The following RAD54L2 variants were observed in gnomAD, a reference collection of about 807,000 sequenced individuals.
RAD54L2 encodes the protein RAD54 like 2.
RAD54L2 carries 27 observed loss-of-function variants against 138.4 expected under a neutral mutation model. The observed-to-expected ratio is 0.20, with a 90% CI of 0.14 to 0.27. RAD54L2 has a LOEUF of 0.27. Among genes scored for constraint, RAD54L2 ranks in the 10% least tolerant of loss-of-function variants. RAD54L2 has a pLI of 1.00. For missense variants in RAD54L2, 1,396 were observed against 1,890.2 expected, an observed-to-expected ratio of 0.74 and a Z score of 4.85; for synonymous variants, 644 against 723.2, an observed-to-expected ratio of 0.89 and a Z score of 1.76.
At chr3:51,556,878 A>G (rs1185073928) in intron 2 of RAD54L2, among the ~76,000 whole-genome samples, 2 of 151,740 alleles carry the variant, frequency 1.3e-5, no homozygotes, top group African/African-American at 4.8e-5. Flanking sequence ...ACCCGGCCCT[A>G]TATATCTCTT....
chr3:51,593,263 C>G (rs1017256103), intron 3 of RAD54L2, among the ~76,000 whole-genome samples: 2 of 151,912 alleles, frequency 1.3e-5, no homozygotes, highest in Non-Finnish European at 2.9e-5. Flanking sequence ...AATTATCTGT[C>G]CCAAATGTCA....
chr3:51,633,936 A>G lies in RAD54L2; in HGVS notation c.1043A>G (p.Asn348Ser). The G allele has an allele frequency of 1.9e-6, 3 of 1,614,006 alleles. No homozygotes were observed. The highest frequency in any genetic ancestry group is 3.3e-4 in the Middle Eastern group (2 of 6,060). Residue 348 changes from asparagine (N) to serine (S), a missense_variant, in exon 9 of 23, where the codon AAC becomes AGC. Physicochemically the swap from Asn to Ser is conservative, Grantham distance 46 (BLOSUM62 1). Transcript: ENST00000684192. ...NTLQNWLAEF[N>S]MWLPPPEALP... ...CTTCAGAATTGGCTGGCAGAGTTCA[A>G]CATGTGGCTTCCACCTCCTGAAGCC...
At chr3:51,575,864 G>A (rs1559622555) in intron 2 of RAD54L2, among the ~76,000 whole-genome samples, 1 of 152,094 alleles carries the variant, frequency 6.6e-6, no homozygotes, top group Non-Finnish European at 1.5e-5. Flanking sequence ...GATTGCCCTG[G>A]CCAGAACTTC....
intron 2 of RAD54L2, among the ~76,000 whole-genome samples, chr3:51,572,731 C>T (rs1226362848): frequency 4.0e-5 from 6 of 150,790 alleles, no homozygotes; most frequent in African/African-American, 1.2e-4. Flanking sequence ...CTCCGCCTCC[C>T]GGGTTCAAGC....
At chr3:51,602,268 C>T (rs1382478600) in intron 3 of RAD54L2, among the ~76,000 whole-genome samples, 1 of 152,120 alleles carries the variant, frequency 6.6e-6, no homozygotes, top group Non-Finnish European at 1.5e-5. Context: ...ATAATGAATT[C>T]CGTCAGACTA....
chr3:51,542,259 G>C (rs782570211), intron 2 of RAD54L2, among the ~76,000 whole-genome samples: 3 of 152,122 alleles, frequency 2.0e-5, no homozygotes, highest in Non-Finnish European at 4.4e-5. Context: ...CTTTGAGGGT[G>C]GTCAGTGCTG....
chr3:51,554,012 A>G (rs911830926), intron 2 of RAD54L2, among the ~76,000 whole-genome samples: 1 of 152,228 alleles, frequency 6.6e-6, no homozygotes, highest in Non-Finnish European at 1.5e-5. Context: ...TTGCCTAGAC[A>G]TTGATGGCTG....
intron 4 of RAD54L2, among the ~76,000 whole-genome samples, chr3:51,628,272 T>C (rs1224755267): frequency 1.3e-5 from 2 of 152,080 alleles, no homozygotes. Context: ...AAATGAATGA[T>C]ATCTTTTTCT....
chr3:51,579,427 C>T (rs1559623789), intron 2 of RAD54L2, among the ~76,000 whole-genome samples: 3 of 152,190 alleles, frequency 2.0e-5, no homozygotes, highest in Non-Finnish European at 2.9e-5. Flanking sequence ...CAGAATTTCC[C>T]TGCCTCCTGT....
intron 22 of RAD54L2, among the ~76,000 whole-genome samples, chr3:51,661,912 C>T (rs1701786505): frequency 1.3e-5 from 2 of 152,102 alleles, no homozygotes; most frequent in African/African-American, 4.8e-5. Flanking sequence ...TGTTCCTAGC[C>T]ACAATATCAT....
At chr3:51,654,519 C>T (rs542242990) in intron 19 of RAD54L2, among the ~76,000 whole-genome samples, 1 of 152,280 alleles carries the variant, frequency 6.6e-6, no homozygotes, top group South Asian at 2.1e-4. Context: ...GGGACTCAAT[C>T]TCAAAAGAGA....
intron 2 of RAD54L2, among the ~76,000 whole-genome samples, chr3:51,570,139 A>ATTTTTTTTT (rs374562749): frequency 3.0e-5 from 3 of 100,984 alleles, no homozygotes; most frequent in Non-Finnish European, 4.0e-5. Context: ...AGCCTTTTTA[A>ATTTTTTTTT]TTTTTTTTTT....
rs556296176 is a variant in RAD54L2 at position 51,546,768 on chromosome 3, C to G, written c.-55+5118C>G. 6.6e-5 allele frequency among the ~76,000 whole-genome samples: 10 copies of G among 152,290 alleles called. 1 individual carries two copies. The East Asian group carries it at 1.9e-3, about 29-fold the overall frequency. Reference sequence around the variant, plus strand: ...TTGAGGCCAGGCGCGGTGGCTCACGCCTGTAATCCCAGCACTTTGGGAGGC... The same window carrying G: ...TTGAGGCCAGGCGCGGTGGCTCACGGCTGTAATCCCAGCACTTTGGGAGGC... On this transcript the variant is annotated intron_variant, in intron 2 of 22. Transcript: ENST00000684192.
chr3:51,553,542 A>G (rs1698895567), intron 2 of RAD54L2, among the ~76,000 whole-genome samples: 1 of 152,214 alleles, frequency 6.6e-6, no homozygotes, highest in Non-Finnish European at 1.5e-5. Flanking sequence ...AGTTATGTGT[A>G]CAGGCTTGGC....
intron 2 of RAD54L2, among the ~76,000 whole-genome samples, chr3:51,575,122 G>T (rs1212284486): frequency 6.6e-6 from 1 of 152,038 alleles, no homozygotes; most frequent in Admixed American, 6.6e-5. Flanking sequence ...CCCATTTCTT[G>T]TTTTTTGTCA....
chr3:51,592,526 G>A (rs1366450741), intron 3 of RAD54L2, among the ~76,000 whole-genome samples: 2 of 151,682 alleles, frequency 1.3e-5, no homozygotes, highest in African/African-American at 2.4e-5. Flanking sequence ...CAGTGTTAGA[G>A]CCACAAAAAT....
intron 2 of RAD54L2, among the ~76,000 whole-genome samples, chr3:51,558,949 C>T (rs976789026): frequency 2.0e-5 from 3 of 152,182 alleles, no homozygotes; most frequent in African/African-American, 7.2e-5. Context: ...TCTTGGCTTA[C>T]TGCATTCTCT....
intron 2 of RAD54L2, among the ~76,000 whole-genome samples, chr3:51,590,119 T>TA (rs1210767865): frequency 6.6e-6 from 1 of 152,098 alleles, no homozygotes; most frequent in African/African-American, 2.4e-5. Context: ...GCCACCTGAG[T>TA]AGCTGGGATT....
In RAD54L2 at chr3:51,623,425, C is replaced by T. The variant is rs373479543; in HGVS notation, c.140-4128C>T. Among the ~76,000 whole-genome samples, 12 of 152,226 alleles carry T rather than the reference C, an allele frequency of 7.9e-5. No individual in the cohort carries two copies. In the East Asian group the frequency reaches 1.5e-3, roughly 20 times the overall value. ...ATGTAGTTGGGAGTATGGAATTCCA[C>T]GGAGTTAGGCAGATAAGGGTTTGAA... On this transcript the variant is annotated intron_variant, in intron 3 of 22. Transcript: ENST00000684192.
Sources: gnomAD v4.1 joint callset for allele counts (sites outside exome capture counted in the v4.1 genomes callset) on GRCh38, gnomAD v4.1.1 for gene constraint, MANE v1.5 for transcripts, NCBI Gene and HGNC (gene_info 2026-07-23, HGNC 2026-07-21) for gene names.